CCDC102B: variants seen among roughly 807,000 people sequenced by gnomAD.
CCDC102B encodes the protein coiled-coil domain-containing protein 102B.
In CCDC102B, 75 loss-of-function variants were observed where a neutral mutation model predicts 57.4. That is an observed-to-expected ratio of 1.31 (90% CI 1.08 to 1.58). The LOEUF (loss-of-function observed/expected upper bound fraction) is 1.58. Among genes scored for constraint, CCDC102B ranks in the 40% most tolerant of loss-of-function variants. CCDC102B has a pLI of 0.00. For synonymous variants in CCDC102B, 206 were observed against 201.9 expected (o/e 1.02, Z -0.17); for missense variants, 636 against 582.6 (o/e 1.09, Z -0.94).
intron 5 of CCDC102B, among the ~76,000 whole-genome samples, chr18:68,886,385 A>G (rs1289436592): frequency 6.6e-6 from 1 of 151,954 alleles, no homozygotes; most frequent in Non-Finnish European, 1.5e-5. Flanking sequence ...TGAAAAAAAA[A>G]TTTTCAGTAA....
At chr18:69,021,120 G>A (rs1264652346) in intron 7 of CCDC102B, among the ~76,000 whole-genome samples, 2 of 152,094 alleles carry the variant, frequency 1.3e-5, no homozygotes, top group East Asian at 1.9e-4. Context: ...TGATATCATC[G>A]GCAATGATGA....
chr18:68,804,725 CCT>C lies in CCDC102B; in HGVS notation c.-16+6545_-16+6546del, dbSNP rs1226522506. 5.9e-5 allele frequency among the ~76,000 whole-genome samples: 9 copies of C among 152,238 alleles called. No homozygotes were observed. In the South Asian group the frequency reaches 1.9e-3, roughly 32 times the overall value. ...TTTGCAATGTAGAAGTCACTGATTT[CCT>C]GTTTTTGTGGCAAACTAGAGTTGAA... On this transcript the variant is annotated intron_variant, in intron 1 of 7. Coordinates refer to ENST00000360242, the MANE Select transcript of CCDC102B (RefSeq NM_024781.3).
chr18:68,728,279 A>G (rs309231), intron 2 of CCDC102B, among the ~76,000 whole-genome samples: 16,482 of 152,230 alleles, frequency 0.11, 2,350 homozygotes, highest in African/African-American at 0.32. Flanking sequence ...AAAGTCTAAC[A>G]TATAACAGGG....
chr18:68,785,854 TG>T (rs1422570364), intron 2 of CCDC102B, among the ~76,000 whole-genome samples: 63 of 151,114 alleles, frequency 4.2e-4, no homozygotes, highest in Admixed American at 1.2e-3. Flanking sequence ...TTGTCAATTT[TG>T]GCTTTTGTTG....
At chr18:68,880,741 G>GA (rs1007557769) in intron 5 of CCDC102B, among the ~76,000 whole-genome samples, 1 of 152,156 alleles carries the variant, frequency 6.6e-6, no homozygotes, top group African/African-American at 2.4e-5. Flanking sequence ...TTAAGCAGTG[G>GA]AAAATGTTGT....
At chr18:68,977,828 G>T (rs2050479342) in intron 6 of CCDC102B, among the ~76,000 whole-genome samples, 1 of 151,954 alleles carries the variant, frequency 6.6e-6, no homozygotes. Flanking sequence ...CTTGTCATTT[G>T]CCTATCTAGG....
At position 68,838,890 on chromosome 18, in the gene CCDC102B, T is replaced by A; in HGVS notation, c.791T>A (p.Leu264Ter). ...GAAATTTCAGCTTTGCAGGTGCATT[T>A]GGATGAATTCCAAAAAATCTTATGG... ...VTEISALQVHLDEFQKILWKE... is the reference protein window; with the variant it reads ...VTEISALQVH The change falls in exon 3 of 8, where the codon TTG becomes TAG. Residue 264 changes from leucine to a stop codon, truncating the protein, a stop_gained. Coordinates refer to ENST00000360242, the MANE Select transcript of CCDC102B (RefSeq NM_024781.3). LOFTEE classifies it high-confidence loss of function. 1.2e-6 allele frequency: 2 copies of A among 1,613,962 alleles called. No homozygotes were observed. Among genetic ancestry groups the A allele is most frequent in the Non-Finnish European group, 1.7e-6 (2 of 1,179,944 alleles).
At chr18:69,032,139 A>T (rs977707154) in intron 7 of CCDC102B, among the ~76,000 whole-genome samples, 16 of 152,114 alleles carry the variant, frequency 1.1e-4, no homozygotes, top group Admixed American at 9.2e-4. Context: ...AGTTTTTTTG[A>T]TGCTGAATTT....
intron 7 of CCDC102B, among the ~76,000 whole-genome samples, chr18:69,040,583 T>A (rs1307037648): frequency 6.6e-6 from 1 of 151,998 alleles, no homozygotes; most frequent in Non-Finnish European, 1.5e-5. Context: ...TTGACAGAAA[T>A]TCTTGAATCG....
At chr18:68,879,127 G>A (rs2039574254) in intron 5 of CCDC102B, among the ~76,000 whole-genome samples, 1 of 151,750 alleles carries the variant, frequency 6.6e-6, no homozygotes, top group African/African-American at 2.4e-5. Flanking sequence ...TGGGCTCGTG[G>A]TCTCGCTGGT....
intron 6 of CCDC102B, among the ~76,000 whole-genome samples, chr18:69,004,565 G>A (rs1376293377): frequency 6.6e-6 from 1 of 152,072 alleles, no homozygotes; most frequent in Non-Finnish European, 1.5e-5. Flanking sequence ...GGATCTCAGA[G>A]GCACAGGGCA....
intron 2 of CCDC102B, among the ~76,000 whole-genome samples, chr18:68,755,356 T>A (rs1490112732): frequency 2.0e-5 from 3 of 152,120 alleles, no homozygotes; most frequent in Non-Finnish European, 4.4e-5. Context: ...GGCCCCGCTG[T>A]GGCTGATGTG....
intron 2 of CCDC102B, among the ~76,000 whole-genome samples, chr18:68,742,614 G>A (rs2033439929): frequency 1.3e-5 from 2 of 152,158 alleles, no homozygotes; most frequent in African/African-American, 4.8e-5. Flanking sequence ...AATTGGTCAT[G>A]GGCCACTGGC....
At chr18:68,741,624 A>G (rs1272051386) in intron 2 of CCDC102B, among the ~76,000 whole-genome samples, 1 of 151,890 alleles carries the variant, frequency 6.6e-6, no homozygotes. Context: ...TGAAGAAAAG[A>G]AAAGGTCCCT....
intron 6 of CCDC102B, among the ~76,000 whole-genome samples, chr18:68,912,033 A>G (rs558969317): frequency 6.6e-6 from 1 of 152,336 alleles, no homozygotes; most frequent in African/African-American, 2.4e-5. Flanking sequence ...TTACAAGAAC[A>G]GTAGCATCAC....
chr18:68,890,953 T>C (rs2040055507), intron 5 of CCDC102B, among the ~76,000 whole-genome samples: 1 of 152,128 alleles, frequency 6.6e-6, no homozygotes, highest in Non-Finnish European at 1.5e-5. Context: ...ATCATAGGAG[T>C]GGGACTTATT....
chr18:68,948,266 T>C (rs894787700), intron 6 of CCDC102B, among the ~76,000 whole-genome samples: 2 of 152,064 alleles, frequency 1.3e-5, no homozygotes, highest in Non-Finnish European at 2.9e-5. Context: ...ACAGGGTAAT[T>C]TCTGTGACTT....
intron 3 of CCDC102B, among the ~76,000 whole-genome samples, chr18:68,839,553 T>C (rs1814677287): frequency 6.6e-6 from 1 of 152,212 alleles, no homozygotes; most frequent in Non-Finnish European, 1.5e-5. Flanking sequence ...CCCTGTCTTC[T>C]GTTCAAGAAT....
intron 6 of CCDC102B, among the ~76,000 whole-genome samples, chr18:68,931,708 C>T (rs560918196): frequency 6.6e-6 from 1 of 151,966 alleles, no homozygotes; most frequent in Admixed American, 6.6e-5. Flanking sequence ...CTTTTTGCTC[C>T]CATCTGGCAG....
Sources: allele counts gnomAD v4.1 joint callset (sites outside exome capture counted in the v4.1 genomes callset), GRCh38; gene constraint gnomAD v4.1.1; transcripts MANE v1.5; gene names NCBI Gene and HGNC (gene_info 2026-07-23, HGNC 2026-07-21).